NUDC: variants seen among roughly 807,000 people sequenced by gnomAD.
The protein encoded by NUDC is nuclear migration protein nudC.
NUDC carries 14 observed loss-of-function variants against 45.0 expected under a neutral mutation model. The ratio of observed to expected loss-of-function variants is 0.31; its 90% CI spans 0.21 to 0.49. The LOEUF is 0.49. NUDC is among the 20% of genes least tolerant of loss of function. The pLI is 0.99. For synonymous variants in NUDC, 153 were observed against 156.7 expected (o/e 0.98, Z 0.17); for missense variants, 323 against 426.2 (o/e 0.76, Z 2.13).
intron 3 of NUDC, among the ~76,000 whole-genome samples, chr1:26,914,128 G>C (rs2082047938): frequency 6.6e-6 from 1 of 152,178 alleles, no homozygotes; most frequent in Admixed American, 6.5e-5. Flanking sequence ...GGGGGAGGGG[G>C]CATTGGGAAC....
Position 26,942,858 on chromosome 1 carries a change from C to G in NUDC, c.547-13C>G, listed in dbSNP as rs763039829. The G allele has an allele frequency of 2.5e-6, 4 of 1,613,922 alleles. No individual in the cohort carries two copies. The highest frequency in any genetic ancestry group is 2.2e-5 in the East Asian group (1 of 44,884). On this transcript the variant is annotated splice_polypyrimidine_tract_variant and intron_variant, in intron 5 of 8. Coordinates refer to ENST00000321265, the MANE Select transcript of NUDC (RefSeq NM_006600.4). ...ACTTAGTGGCCTCTTCTGACTGCCT[C>G]TGCCCTATGCAGCTGGCGGTCCCTT...
At chr1:26,901,956 G>C (rs2081981120) in intron 1 of NUDC, among the ~76,000 whole-genome samples, 3 of 152,050 alleles carry the variant, frequency 2.0e-5, no homozygotes, top group African/African-American at 7.2e-5. Context: ...CAAGACCCTT[G>C]TCTAAACAAT....
chr1:26,943,955 G>A (rs1299149362), intron 6 of NUDC, among the ~76,000 whole-genome samples: 1 of 152,098 alleles, frequency 6.6e-6, no homozygotes, highest in Non-Finnish European at 1.5e-5. Context: ...TCGGCTCACT[G>A]CGAGCTCCGC....
intron 2 of NUDC, among the ~76,000 whole-genome samples, chr1:26,930,453 T>C (rs889831751): frequency 1.3e-5 from 2 of 152,190 alleles, no homozygotes; most frequent in African/African-American, 4.8e-5. Flanking sequence ...ACCCAGCTCT[T>C]TTGTTTTTTA....
intron 1 of NUDC, 22 bp from the exon 2 acceptor site, chr1:26,924,067 T>G: frequency 6.2e-7 from 1 of 1,613,010 alleles, no homozygotes; most frequent in Non-Finnish European, 8.5e-7. Context: ...TCTACTACTT[T>G]AATCTTCTCC....
intron 2 of NUDC, among the ~76,000 whole-genome samples, chr1:26,926,894 C>T (rs371875429): frequency 5.3e-5 from 8 of 152,050 alleles, no homozygotes; most frequent in African/African-American, 1.4e-4. Flanking sequence ...CCACTGCACC[C>T]GGCCTACTTT....
At chr1:26,900,273 G>A (rs1018324231) in exon 1 of NUDC, 10 of 1,614,022 alleles carry the variant, frequency 6.2e-6, no homozygotes, top group Non-Finnish European at 8.5e-6. Context: ...GGCCTGCGGA[G>A]GGGCCCGCTC....
chr1:26,922,730 T>C (rs1051246679), intron 1 of NUDC, among the ~76,000 whole-genome samples: 2 of 152,220 alleles, frequency 1.3e-5, no homozygotes, highest in South Asian at 2.1e-4. Context: ...GACAGGTCAG[T>C]GTGCTTCCCA....
chr1:26,929,981 A>AC (rs2082167422), intron 2 of NUDC, among the ~76,000 whole-genome samples: 1 of 152,140 alleles, frequency 6.6e-6, no homozygotes, highest in South Asian at 2.1e-4. Context: ...TCGAGATCGC[A>AC]CCACTGCACT....
chr1:26,918,447 G>C (rs948087025), upstream of NUDC, among the ~76,000 whole-genome samples: 5 of 151,506 alleles, frequency 3.3e-5, no homozygotes, highest in Admixed American at 6.6e-5. Flanking sequence ...CTGATTTTTC[G>C]TATTTTTTAG....
intron 2 of NUDC, among the ~76,000 whole-genome samples, chr1:26,941,069 C>T (rs2124136375): frequency 6.6e-6 from 1 of 151,064 alleles, no homozygotes; most frequent in Middle Eastern, 3.4e-3. Flanking sequence ...TTACAGGCCC[C>T]CGCCACCATG....
chr1:26,920,223 C>CTCATGCCTGTAA (rs556635461), upstream of NUDC, among the ~76,000 whole-genome samples: 30 of 152,304 alleles, frequency 2.0e-4, no homozygotes, highest in African/African-American at 7.2e-4. Flanking sequence ...GGCGCAGTGG[C>CTCATGCCTGTAA]TCATGCCTGT....
At chr1:26,925,731 T>G (rs2082126671) in intron 2 of NUDC, among the ~76,000 whole-genome samples, 1 of 148,564 alleles carries the variant, frequency 6.7e-6, no homozygotes, top group Non-Finnish European at 1.5e-5. Context: ...TTTTTTTTTT[T>G]TTTTTTTTGA....
At chr1:26,901,560 ACGCC>A (rs2081979125) in intron 1 of NUDC, among the ~76,000 whole-genome samples, 1 of 151,712 alleles carries the variant, frequency 6.6e-6, no homozygotes, top group Non-Finnish European at 1.5e-5. Context: ...GCGTGCCACC[ACGCC>A]CGGCTAATTT....
At chr1:26,913,901 C>T (rs763308230) in intron 3 of NUDC, 1 of 1,483,092 alleles carries the variant, frequency 6.7e-7, no homozygotes, top group South Asian at 1.5e-5. Flanking sequence ...CGGCTTGCAG[C>T]TCCCTGGCAT....
At chr1:26,907,287 C>G (rs2082006608) in intron 2 of NUDC, among the ~76,000 whole-genome samples, 1 of 152,228 alleles carries the variant, frequency 6.6e-6, no homozygotes. Context: ...CACCTTCAGG[C>G]AGATTTAATC....
chr1:26,901,478 C>G (rs189272618), intron 1 of NUDC, among the ~76,000 whole-genome samples: 1 of 145,874 alleles, frequency 6.9e-6, no homozygotes, highest in Admixed American at 7.1e-5. Context: ...GATCTCGGCT[C>G]ACTGCAACCT....
intron 2 of NUDC, 38 bp from the exon 3 acceptor site, chr1:26,941,419 C>T (rs762552625): frequency 2.9e-5 from 47 of 1,604,012 alleles, no homozygotes; most frequent in Non-Finnish European, 3.7e-5. Flanking sequence ...GACACTGTCC[C>T]CTGCTCTGAT....
upstream of NUDC, among the ~76,000 whole-genome samples, chr1:26,916,971 T>A (rs1332846372): frequency 6.6e-6 from 1 of 151,276 alleles, no homozygotes; most frequent in Non-Finnish European, 1.5e-5. Context: ...GATAAATAAA[T>A]AAAAATCAGG....
Sources: allele counts gnomAD v4.1 joint callset (sites outside exome capture counted in the v4.1 genomes callset), GRCh38; gene constraint gnomAD v4.1.1; transcripts MANE v1.5; gene names NCBI Gene and HGNC (gene_info 2026-07-23, HGNC 2026-07-21).